BABAM2: variants seen among roughly 807,000 people sequenced by gnomAD.
BABAM2 encodes the protein BRISC and BRCA1-A complex member 2.
Under a neutral mutation model 54.7 loss-of-function variants are expected in BABAM2, and 31 were observed. The observed-to-expected ratio is 0.57, with a 90% CI of 0.43 to 0.77. The LOEUF (loss-of-function observed/expected upper bound fraction) is 0.77, where lower values mean the gene tolerates loss of function less well. Among genes scored for constraint, BABAM2 ranks in the 30% least tolerant of loss-of-function variants. The pLI is 0.00. For missense variants in BABAM2, 364 were observed against 455.8 expected (o/e 0.80, Z 1.83); for synonymous variants, 167 against 162.9 (o/e 1.03, Z -0.19).
At chr2:28,025,057 T>C (rs554732007) in intron 4 of BABAM2, among the ~76,000 whole-genome samples, 169 bp from the exon 5 acceptor site, 1 of 152,318 alleles carries the variant, frequency 6.6e-6, no homozygotes, top group African/African-American at 2.4e-5. Flanking sequence ...AAATTGCCAA[T>C]ATCAAAAGAT....
At chr2:28,311,122 G>A (rs1470155901) in intron 11 of BABAM2, among the ~76,000 whole-genome samples, 1 of 151,750 alleles carries the variant, frequency 6.6e-6, no homozygotes, top group Non-Finnish European at 1.5e-5. Flanking sequence ...TTAGCCGAGT[G>A]TGGTGGTGGG....
At chr2:28,082,059 C>G (rs1425486344) in intron 6 of BABAM2, among the ~76,000 whole-genome samples, 2 of 151,976 alleles carry the variant, frequency 1.3e-5, no homozygotes, top group Non-Finnish European at 2.9e-5. Context: ...TGAAACTAAA[C>G]AATAGTAGCT....
At chr2:28,026,744 TATATATAA>T (rs1402491417) in intron 5 of BABAM2, among the ~76,000 whole-genome samples, 1 of 58,648 alleles carries the variant, frequency 1.7e-5, no homozygotes, top group African/African-American at 5.4e-5. Flanking sequence ...AATATATATT[TATATATAA>T]ATATATATCT....
chr2:28,112,616 A>G (rs1668235785), intron 6 of BABAM2, among the ~76,000 whole-genome samples: 1 of 152,138 alleles, frequency 6.6e-6, no homozygotes, highest in Non-Finnish European at 1.5e-5. Flanking sequence ...ATTGATGGGC[A>G]TTTGGGTTGG....
At chr2:28,180,419 C>T (rs577918403) in intron 7 of BABAM2, among the ~76,000 whole-genome samples, 2 of 151,940 alleles carry the variant, frequency 1.3e-5, no homozygotes, top group Non-Finnish European at 2.9e-5. Context: ...CCATATGCCA[C>T]GGAACGAAAC....
At chr2:28,188,409 T>C (rs1173444346) in intron 7 of BABAM2, among the ~76,000 whole-genome samples, 2 of 152,204 alleles carry the variant, frequency 1.3e-5, no homozygotes, top group Non-Finnish European at 2.9e-5. Context: ...AACAAGTTGG[T>C]TATATTTTTA....
intron 5 of BABAM2, among the ~76,000 whole-genome samples, chr2:28,043,131 GTT>G (rs757757963): frequency 1.6e-4 from 22 of 138,796 alleles, no homozygotes; most frequent in Admixed American, 1.4e-4. Flanking sequence ...TTGGGAGCAT[GTT>G]TTTTTTTTTT....
rs546875936 is a variant in BABAM2, at chr2:28,037,812, A to G, written c.496-7913A>G. On this transcript the variant is annotated intron_variant, in intron 5 of 11. Coordinates refer to ENST00000379624, the MANE Select transcript of BABAM2 (RefSeq NM_199191.3). ...TCACAACAGCTCAGAGCTCCGAGCAAAATATAGAGCCATTTGCCTGAAAAC... is the reference window on the plus strand; with the variant it reads ...TCACAACAGCTCAGAGCTCCGAGCAGAATATAGAGCCATTTGCCTGAAAAC... 1.1e-4 allele frequency among the ~76,000 whole-genome samples: 17 copies of G among 152,312 alleles called. No individual in the cohort carries two copies. In the South Asian group the frequency reaches 2.3e-3, roughly 20 times the overall value.
In BABAM2 at chr2:27,903,258, A is replaced by G. The variant is rs144507915; in HGVS notation, c.128+8574A>G. On this transcript the variant is annotated intron_variant, in intron 2 of 11. Transcript: ENST00000379624. ...GTGCCAGTTCCATACTTTCTTAACT[A>G]TTACAGTCTTGTGAAATGTCATGAT... Among the ~76,000 whole-genome samples the G allele has an allele frequency of 8.1e-4, 123 of 152,174 alleles. No individual in the cohort carries two copies. In the East Asian group the frequency reaches 0.02, roughly 24 times the overall value.
chr2:28,196,323 T>TCTC lies in BABAM2; in HGVS notation c.681-40879_681-40878insCTC, dbSNP rs1265319611. ...GCCTGGGCAACAGAGCAAGACTCCA[T>TCTC]ATAAAAAAAAAATGAATTTTTTACA... On this transcript the variant is annotated intron_variant, in intron 7 of 11. Coordinates refer to ENST00000379624, the MANE Select transcript of BABAM2 (RefSeq NM_199191.3). Among the ~76,000 whole-genome samples, 193 of 109,160 alleles carry TCTC rather than the reference T, an allele frequency of 1.8e-3. 31 individuals carry two copies. The highest frequency in any genetic ancestry group is 3.5e-3 in the Non-Finnish European group (145 of 41,808). 71.6% of individuals were successfully genotyped at this position (109,160 alleles called of 152,430 possible).
intron 6 of BABAM2, among the ~76,000 whole-genome samples, chr2:28,112,125 C>CTTTCTTTCTTTCTTTCTTT (rs1668098364): frequency 7.0e-5 from 1 of 14,262 alleles, no homozygotes; most frequent in Non-Finnish European, 1.3e-4. Context: ...TTCTTTCTTT[C>CTTTCTTTCTTTCTTTCTTT]TTTCTTTCTT....
intron 3 of BABAM2, among the ~76,000 whole-genome samples, chr2:27,958,544 G>T (rs927801449): frequency 6.7e-6 from 1 of 148,990 alleles, no homozygotes; most frequent in African/African-American, 2.5e-5. Flanking sequence ...ACTTATATAT[G>T]TTTATATATA....
intron 10 of BABAM2, among the ~76,000 whole-genome samples, chr2:28,266,509 T>C (rs1482636919): frequency 1.3e-5 from 2 of 152,224 alleles, no homozygotes; most frequent in Admixed American, 6.5e-5. Context: ...CAAAGTGTTA[T>C]TAGAAATGTC....
rs548280877 is a variant in BABAM2, at chr2:27,908,554, G to A, written c.128+13870G>A. Among the ~76,000 whole-genome samples the A allele has an allele frequency of 3.9e-5, 6 of 152,268 alleles. No homozygotes were observed. In the South Asian group the frequency reaches 1.2e-3, roughly 32 times the overall value. On this transcript the variant is annotated intron_variant, in intron 2 of 11. Transcript: ENST00000379624. Reference sequence around the variant, plus strand: ...TCTCAAAGTGCTGGATTACAGGCGTGAGCCTCTGTGCTCGGCCCCAGTAGG... The same window carrying A: ...TCTCAAAGTGCTGGATTACAGGCGTAAGCCTCTGTGCTCGGCCCCAGTAGG...
chr2:28,165,528 G>GGT (rs1164223138), intron 7 of BABAM2, among the ~76,000 whole-genome samples: 4 of 90,416 alleles, frequency 4.4e-5, no homozygotes, highest in Non-Finnish European at 7.1e-5. Flanking sequence ...TTTTTTCCTT[G>GGT]CTTTTTTTTT....
At chr2:28,146,681 G>T (rs923458426) in intron 7 of BABAM2, among the ~76,000 whole-genome samples, 3 of 152,172 alleles carry the variant, frequency 2.0e-5, no homozygotes, top group African/African-American at 7.2e-5. Flanking sequence ...ATGTTGCCCA[G>T]TCTCTTGGAT....
intron 11 of BABAM2, among the ~76,000 whole-genome samples, chr2:28,335,891 G>A (rs1212799178): frequency 6.6e-6 from 1 of 152,160 alleles, no homozygotes; most frequent in African/African-American, 2.4e-5. Context: ...TGACATCCCC[G>A]GGTTGCTGTG....
chr2:27,890,460 G>A (rs1369613932), upstream of BABAM2: 2 of 1,009,832 alleles, frequency 2.0e-6, no homozygotes, highest in African/African-American at 1.6e-5. The surrounding 1 kb of genome is among the most constrained non-coding windows in gnomAD (Gnocchi z 4.8). Context: ...AGACGCCTAC[G>A]CGGGTCGCCC....
intron 10 of BABAM2, among the ~76,000 whole-genome samples, chr2:28,295,469 A>G (rs1687605953): frequency 6.6e-6 from 1 of 152,158 alleles, no homozygotes; most frequent in South Asian, 2.1e-4. Flanking sequence ...TACATAGTAT[A>G]AAACAACTGA....
Sources: gnomAD v4.1 joint callset for allele counts (sites outside exome capture counted in the v4.1 genomes callset) on GRCh38, gnomAD v4.1.1 for gene constraint, Gnocchi (gnomAD v3.1) non-coding constraint, MANE v1.5 for transcripts, NCBI Gene and HGNC (gene_info 2026-07-23, HGNC 2026-07-21) for gene names.